CDK14: variants seen among roughly 807,000 people sequenced by gnomAD.
CDK14 encodes cyclin dependent kinase 14.
A neutral mutation model predicts 60.7 loss-of-function variants in CDK14; 34 were observed. The observed-to-expected ratio is 0.56, with a 90% CI of 0.43 to 0.75. CDK14 has a LOEUF of 0.75. Ranked by LOEUF, CDK14 falls within the 30% of genes least tolerant of loss-of-function variation. The pLI, the probability that CDK14 is intolerant of heterozygous loss-of-function variation, is 0.00. For synonymous variants in CDK14, 197 were observed against 203.7 expected, an observed-to-expected ratio of 0.97 and a Z score of 0.28; for missense variants, 482 against 564.1, an observed-to-expected ratio of 0.85 and a Z score of 1.47.
intron 8 of CDK14, among the ~76,000 whole-genome samples, chr7:90,936,040 T>C (rs897205660): frequency 6.9e-6 from 1 of 145,874 alleles, no homozygotes; most frequent in African/African-American, 2.5e-5. Flanking sequence ...AGACCCTGTC[T>C]TAAAAAAAAA....
At chr7:90,831,284 A>G (rs1789902578) in intron 5 of CDK14, among the ~76,000 whole-genome samples, 1 of 152,200 alleles carries the variant, frequency 6.6e-6, no homozygotes, top group Non-Finnish European at 1.5e-5. Context: ...CAGAAGGTGA[A>G]GGGGAAGCAC....
At chr7:91,161,239 A>T (rs934743181) in intron 14 of CDK14, among the ~76,000 whole-genome samples, 1 of 152,206 alleles carries the variant, frequency 6.6e-6, no homozygotes, top group African/African-American at 2.4e-5. Flanking sequence ...GAGAGGATTC[A>T]GGAAGGAGCC....
intron 11 of CDK14, among the ~76,000 whole-genome samples, chr7:91,058,074 T>A (rs1283640800): frequency 6.6e-6 from 1 of 152,124 alleles, no homozygotes; most frequent in Non-Finnish European, 1.5e-5. Flanking sequence ...TATCCTCTTT[T>A]ATTTCGTTGA....
intron 2 of CDK14, among the ~76,000 whole-genome samples, chr7:90,627,564 A>G (rs1011773255): frequency 2.0e-5 from 3 of 152,192 alleles, no homozygotes; most frequent in Non-Finnish European, 4.4e-5. Flanking sequence ...GCATTGCGTT[A>G]TACTGGCAAT....
chr7:91,181,219 T>G (rs1258546845), intron 14 of CDK14, among the ~76,000 whole-genome samples: 1 of 152,186 alleles, frequency 6.6e-6, no homozygotes, highest in Non-Finnish European at 1.5e-5. Context: ...TCCCTTTTTC[T>G]CTCCCTTTCC....
intron 8 of CDK14, among the ~76,000 whole-genome samples, chr7:90,944,145 A>G (rs1794023384): frequency 6.6e-6 from 1 of 152,194 alleles, no homozygotes. Flanking sequence ...TCCAGATGCC[A>G]ATCAGATGCA....
chr7:91,092,559 T>C (rs1313193131), intron 12 of CDK14, among the ~76,000 whole-genome samples: 2 of 152,246 alleles, frequency 1.3e-5, no homozygotes, highest in African/African-American at 4.8e-5. Flanking sequence ...TTGATGAACA[T>C]GCGAATTATC....
At chr7:90,750,152 AAACACACACAC>A (rs1222014319) in intron 4 of CDK14, among the ~76,000 whole-genome samples, 1 of 89,576 alleles carries the variant, frequency 1.1e-5, no homozygotes, top group African/African-American at 4.0e-5. Context: ...AGGGGAAAGA[AAACACACACAC>A]ACACACACAC....
intron 3 of CDK14, among the ~76,000 whole-genome samples, chr7:90,736,268 G>T (rs982437128): frequency 1.3e-5 from 2 of 149,648 alleles, no homozygotes; most frequent in Non-Finnish European, 3.0e-5. Flanking sequence ...TTCCTATTTG[G>T]CCATCTTGCC....
intron 5 of CDK14, among the ~76,000 whole-genome samples, chr7:90,797,506 C>T (rs1383672571): frequency 1.3e-5 from 2 of 151,966 alleles, no homozygotes; most frequent in African/African-American, 4.9e-5. Flanking sequence ...TGGGGGGACA[C>T]AGTTCAGCCC....
chr7:90,958,183 A>C (rs1794489654), intron 9 of CDK14, among the ~76,000 whole-genome samples: 1 of 152,144 alleles, frequency 6.6e-6, no homozygotes, highest in Non-Finnish European at 1.5e-5. Flanking sequence ...GTGAGAAAAC[A>C]ATCAAGTTTC....
chr7:90,972,654 A>C (rs1389332728), intron 9 of CDK14, among the ~76,000 whole-genome samples: 2 of 152,136 alleles, frequency 1.3e-5, no homozygotes, highest in Non-Finnish European at 2.9e-5. Context: ...AAGCATTCTG[A>C]GTTTGTATTG....
chr7:90,636,304 G>A (rs535867879), intron 2 of CDK14, among the ~76,000 whole-genome samples: 46 of 152,222 alleles, frequency 3.0e-4, no homozygotes, highest in South Asian at 6.2e-4. Context: ...TTTGAAATAC[G>A]TCCCATCAAT....
chr7:90,599,261 T>A (rs910622588), intron 1 of CDK14, among the ~76,000 whole-genome samples: 5 of 152,224 alleles, frequency 3.3e-5, no homozygotes, highest in African/African-American at 1.2e-4. Flanking sequence ...GTTCAAGATA[T>A]GTTATCATTG....
intron 10 of CDK14, among the ~76,000 whole-genome samples, chr7:90,998,286 C>T (rs1237268592): frequency 6.6e-6 from 1 of 152,174 alleles, no homozygotes; most frequent in Non-Finnish European, 1.5e-5. Context: ...GTACCTTCCA[C>T]TTAATTTTGT....
chr7:91,008,653 GTTTTTC>G (rs1311434090), intron 10 of CDK14, among the ~76,000 whole-genome samples: 2 of 152,018 alleles, frequency 1.3e-5, no homozygotes, highest in South Asian at 2.1e-4. Flanking sequence ...AGCATATTCA[GTTTTTC>G]TTTTTCTGTC....
At chr7:90,730,863 T>A (rs1449102533) in intron 3 of CDK14, among the ~76,000 whole-genome samples, 1 of 152,224 alleles carries the variant, frequency 6.6e-6, no homozygotes, top group Non-Finnish European at 1.5e-5. Flanking sequence ...TTTAATTAGA[T>A]CCCATTTGTC....
chr7:90,827,315 T>C (rs1449858440), intron 5 of CDK14, among the ~76,000 whole-genome samples: 1 of 152,250 alleles, frequency 6.6e-6, no homozygotes, highest in Non-Finnish European at 1.5e-5. Context: ...AATATTCTAT[T>C]GTATGGATGT....
At chr7:90,737,362 A>G (rs546302155) in intron 3 of CDK14, among the ~76,000 whole-genome samples, 3 of 152,366 alleles carry the variant, frequency 2.0e-5, no homozygotes, top group South Asian at 4.1e-4. Flanking sequence ...CATCACCATA[A>G]AAATCTATAT....
Sources: allele counts gnomAD v4.1 joint callset (sites outside exome capture counted in the v4.1 genomes callset), GRCh38; gene constraint gnomAD v4.1.1; transcripts MANE v1.5; gene names NCBI Gene and HGNC (gene_info 2026-07-23, HGNC 2026-07-21).